Variants in XIRP2 observed in about 807,000 individuals in gnomAD.
XIRP2 encodes xin actin-binding repeat-containing protein 2.
Under a neutral mutation model 277.0 loss-of-function variants are expected in XIRP2, and 236 were observed. The observed-to-expected ratio is 0.85, with a 90% CI of 0.77 to 0.95. XIRP2 has a LOEUF of 0.95. XIRP2 is among the 40% of genes least tolerant of loss of function. The probability of loss-of-function intolerance (pLI) is 0.00; values close to 1 mark genes in which losing one functional copy is unlikely to be tolerated. For synonymous variants in XIRP2, 1,490 were observed against 1,416.5 expected, an observed-to-expected ratio of 1.05 and a Z score of -1.17; for missense variants, 4,640 against 4,157.5, an observed-to-expected ratio of 1.12 and a Z score of -3.19.
chr2:166,973,448 C>T (rs1686628251), intron 2 of XIRP2, among the ~76,000 whole-genome samples: 1 of 152,108 alleles, frequency 6.6e-6, no homozygotes, highest in South Asian at 2.1e-4. Flanking sequence ...GTAACTATTC[C>T]CTTTTCACAG....
chr2:167,176,963 G>T (rs1692864251), intron 3 of XIRP2, among the ~76,000 whole-genome samples: 2 of 152,182 alleles, frequency 1.3e-5, no homozygotes, highest in South Asian at 4.1e-4. Flanking sequence ...CTTGCACTCA[G>T]ATTAAGGGAC....
chr2:167,148,555 GA>G (rs1558997191), intron 3 of XIRP2, among the ~76,000 whole-genome samples: 1 of 151,684 alleles, frequency 6.6e-6, no homozygotes, highest in East Asian at 2.0e-4. Context: ...TTAGAGTATC[GA>G]AAACTGCAAA....
In XIRP2 at chr2:167,248,807, G is replaced by C. The variant is rs2105444549; in HGVS notation, c.7415G>C (p.Ser2472Thr). 1 of 1,613,694 alleles carries C rather than the reference G, an allele frequency of 6.2e-7. No individual in the cohort carries two copies. The highest frequency in any genetic ancestry group is 8.5e-7 in the Non-Finnish European group (1 of 1,179,792). Reference protein sequence around the residue: ...DQKKVMVMTSSEHTETKQNVI... With the variant: ...DQKKVMVMTSTEHTETKQNVI... ...AAAAAAGTAATGGTGATGACCAGCAGTGAACACACGGAGACAAAGCAGAAC... is the reference window on the plus strand; with the variant it reads ...AAAAAAGTAATGGTGATGACCAGCACTGAACACACGGAGACAAAGCAGAAC... Residue 2472 changes from serine to threonine, a missense_variant, in exon 9 of 11, where the codon AGT (serine) becomes ACT (threonine). Transcript: ENST00000409195.
intron 2 of XIRP2, among the ~76,000 whole-genome samples, chr2:166,946,121 A>T (rs1220803712): frequency 1.3e-5 from 2 of 152,192 alleles, no homozygotes; most frequent in Non-Finnish European, 2.9e-5. Flanking sequence ...GTTTGCTCAC[A>T]GAATATAACA....
Position 167,258,804 on chromosome 2 carries a change from A to C in XIRP2, c.*987A>C, listed in dbSNP as rs199566956. Reference sequence around the variant, plus strand: ...AATGAATATGAAATTGAGAAGTTAGAAAATACATCTAGAATCTCAGAGTTA... The same window carrying C: ...AATGAATATGAAATTGAGAAGTTAGCAAATACATCTAGAATCTCAGAGTTA... On this transcript the variant is annotated 3_prime_UTR_variant, in exon 11 of 11. Transcript: ENST00000409195. The C allele has an allele frequency of 1.1e-4, 182 of 1,613,286 alleles. 1 individual carries two copies. In the East Asian group the frequency reaches 3.3e-3, roughly 29 times the overall value.
Position 167,250,395 on chromosome 2 carries a change from G to A in XIRP2, c.9003G>A (p.Met3001Ile), listed in dbSNP as rs772135791. The change falls in exon 9 of 11, where the codon ATG (methionine) becomes ATA (isoleucine). Residue 3001 changes from methionine (M) to isoleucine (I), a missense_variant. Coordinates refer to ENST00000409195, the MANE Select transcript of XIRP2 (RefSeq NM_152381.6). ...GAGAATATGCAGTTCACATTGCCAT[G>A]GAGAATAATTTAGAAAAAGTAAAAG... The part of the protein sequence containing the change: ...DKREYAVHIA[M>I]ENNLEKVKEE... 8 of 1,613,312 alleles carry A rather than the reference G, an allele frequency of 5.0e-6. No individual in the cohort carries two copies. The highest frequency in any genetic ancestry group is 1.7e-5 in the Admixed American group (1 of 59,924).
intron 2 of XIRP2, among the ~76,000 whole-genome samples, chr2:167,119,766 T>C (rs1691000844): frequency 6.6e-6 from 1 of 152,242 alleles, no homozygotes; most frequent in Non-Finnish European, 1.5e-5. Flanking sequence ...ATTCTTAATA[T>C]GGTACATGCT....
At chr2:167,123,316 T>C (rs1223412884) in intron 2 of XIRP2, among the ~76,000 whole-genome samples, 1 of 152,148 alleles carries the variant, frequency 6.6e-6, no homozygotes, top group African/African-American at 2.4e-5. Flanking sequence ...TAAGAAGTTC[T>C]TGTCTGGCTG....
At chr2:166,909,028 T>C (rs1446686552) in intron 2 of XIRP2, among the ~76,000 whole-genome samples, 1 of 152,166 alleles carries the variant, frequency 6.6e-6, no homozygotes, top group Non-Finnish European at 1.5e-5. Flanking sequence ...AGTCTTGTAG[T>C]ATAGTTTGAA....
chr2:167,223,126 C>T (rs778082901), intron 5 of XIRP2, among the ~76,000 whole-genome samples: 1 of 152,086 alleles, frequency 6.6e-6, no homozygotes, highest in African/African-American at 2.4e-5. Context: ...TTTTCCTTTT[C>T]TTTCCTCCAT....
At chr2:166,958,573 A>C (rs1686225528) in intron 2 of XIRP2, among the ~76,000 whole-genome samples, 1 of 151,876 alleles carries the variant, frequency 6.6e-6, no homozygotes, top group Non-Finnish European at 1.5e-5. Flanking sequence ...TTTCTGCTTT[A>C]GTTTCTCTCT....
At chr2:167,024,826 T>G (rs1044782699) in intron 2 of XIRP2, among the ~76,000 whole-genome samples, 9 of 152,200 alleles carry the variant, frequency 5.9e-5, no homozygotes, top group East Asian at 1.9e-4. Flanking sequence ...GGTGGATAAG[T>G]TTTTTGATGT....
rs74588022 is a variant in XIRP2 at position 166,894,007 on chromosome 2, C to T, written c.-19+5450C>T. ...AGGGAAGCATTTGGTAGTTTTTCTT[C>T]TCCCCAAGACCTAGTCAAAGATAAT... On this transcript the variant is annotated intron_variant, in intron 1 of 10. Coordinates refer to ENST00000409195, the MANE Select transcript of XIRP2 (RefSeq NM_152381.6). Among the ~76,000 whole-genome samples the T allele has an allele frequency of 1.4e-4, 21 of 152,250 alleles. No homozygotes were observed. In the East Asian group the frequency reaches 2.7e-3, roughly 20 times the overall value.
intron 2 of XIRP2, among the ~76,000 whole-genome samples, chr2:166,996,422 G>T (rs1460422777): frequency 1.9e-4 from 29 of 152,166 alleles, no homozygotes; most frequent in Admixed American, 1.9e-3. Flanking sequence ...CTTGAGACCA[G>T]GAGTTTGAGA....
At chr2:167,235,483 G>C (rs1278429189) in intron 5 of XIRP2, among the ~76,000 whole-genome samples, 1 of 151,868 alleles carries the variant, frequency 6.6e-6, no homozygotes, top group African/African-American at 2.4e-5. Context: ...TTTACTCCTT[G>C]ACATTTTATT....
chr2:167,073,040 AATT>A (rs1349474102), intron 2 of XIRP2, among the ~76,000 whole-genome samples: 1 of 152,174 alleles, frequency 6.6e-6, no homozygotes, highest in Non-Finnish European at 1.5e-5. Flanking sequence ...GAGCTAAAAC[AATT>A]ATTATATGTT....
rs1270286011 is a variant in XIRP2, at chr2:167,248,824, A to C, written c.7432A>C (p.Lys2478Gln). The C allele has an allele frequency of 1.1e-5, 18 of 1,613,508 alleles. No individual in the cohort carries two copies. The highest frequency in any genetic ancestry group is 1.5e-5 in the Non-Finnish European group (18 of 1,179,742). The change falls in exon 9 of 11, where the codon AAG (lysine) becomes CAG (glutamine). Residue 2478 changes from lysine (K) to glutamine (Q), a missense_variant. Coordinates refer to ENST00000409195, the MANE Select transcript of XIRP2 (RefSeq NM_152381.6). ...VMTSSEHTET[K>Q]QNVISKSLDE... ...GACCAGCAGTGAACACACGGAGACA[A>C]AGCAGAACGTTATTAGTAAGAGTCT...
chr2:166,926,465 T>G (rs752568846), intron 2 of XIRP2, among the ~76,000 whole-genome samples: 13 of 152,136 alleles, frequency 8.5e-5, no homozygotes, highest in Non-Finnish European at 1.8e-4. Flanking sequence ...TTGCAACTCA[T>G]GCTTATTCTA....
At chr2:167,056,503 G>A (rs1044545452) in intron 2 of XIRP2, among the ~76,000 whole-genome samples, 10 of 152,120 alleles carry the variant, frequency 6.6e-5, no homozygotes, top group East Asian at 1.9e-4. Flanking sequence ...TGCAAACTCA[G>A]TGTTCTCTGT....
Sources: allele counts gnomAD v4.1 joint callset (sites outside exome capture counted in the v4.1 genomes callset), GRCh38; gene constraint gnomAD v4.1.1; transcripts MANE v1.5; gene names NCBI Gene and HGNC (gene_info 2026-07-23, HGNC 2026-07-21).